Variants in ZMYM4 observed in about 807,000 individuals in gnomAD.
The protein encoded by ZMYM4 is zinc finger MYM-type protein 4.
A neutral mutation model predicts 183.2 loss-of-function variants in ZMYM4; 31 were observed. That is an observed-to-expected ratio of 0.17 (90% confidence interval 0.13 to 0.23). The LOEUF (loss-of-function observed/expected upper bound fraction) is 0.23, where lower values mean the gene tolerates loss of function less well. Ranked by LOEUF, ZMYM4 falls within the 10% of genes least tolerant of loss-of-function variation. The probability of loss-of-function intolerance (pLI) is 1.00; values close to 1 mark genes in which losing one functional copy is unlikely to be tolerated. For missense variants in ZMYM4, 1,273 were observed against 1,840.3 expected, an observed-to-expected ratio of 0.69 and a Z score of 5.64; for synonymous variants, 592 against 631.2, an observed-to-expected ratio of 0.94 and a Z score of 0.93.
intron 1 of ZMYM4, among the ~76,000 whole-genome samples, chr1:35,293,076 C>G (rs1341037072): frequency 6.7e-6 from 1 of 149,756 alleles, no homozygotes; most frequent in African/African-American, 2.5e-5. Flanking sequence ...TCATGACTTT[C>G]TACAGCCTCT....
At chr1:35,350,698 A>G in intron 2 of ZMYM4, 1 of 361,522 alleles carries the variant, frequency 2.8e-6, no homozygotes, top group Non-Finnish European at 5.3e-6. Context: ...GTCCAGCTGC[A>G]GACAAAGATC....
In ZMYM4 at chr1:35,399,366, CACAA is replaced by C. The variant is rs1019887772; in HGVS notation, c.3434-109_3434-106del. On this transcript the variant is annotated intron_variant, in intron 22 of 29. Transcript: ENST00000314607. ...TCTATAAGTGGAATCCTTATTTTATCACAAACAAACTAATGAATATAGTGATGAT... is the reference window on the plus strand; with the variant it reads ...TCTATAAGTGGAATCCTTATTTTATCACAAACTAATGAATATAGTGATGAT... The C allele has an allele frequency of 6.1e-5, 60 of 985,976 alleles. No individual in the cohort carries two copies. The East Asian group carries it at 7.4e-4, about 12-fold the overall frequency. 61.1% of individuals were successfully genotyped at this position (985,976 alleles called of 1,614,324 possible).
chr1:35,346,650 C>CAAAAAAAAAAAAAAAAAAAAAAA (rs746472685), intron 2 of ZMYM4, among the ~76,000 whole-genome samples: 7 of 54,160 alleles, frequency 1.3e-4, no homozygotes, highest in Non-Finnish European at 2.6e-4. Flanking sequence ...GACTCCATCT[C>CAAAAAAAAAAAAAAAAAAAAAAA]AAAAAAAAAA....
At chr1:35,342,293 C>G (rs572177992) in intron 2 of ZMYM4, among the ~76,000 whole-genome samples, 34 of 152,074 alleles carry the variant, frequency 2.2e-4, no homozygotes, top group Admixed American at 2.2e-3. Context: ...TAGCTGGGAC[C>G]ACAGGCATGT....
intron 1 of ZMYM4, among the ~76,000 whole-genome samples, chr1:35,309,745 C>T (rs376660178): frequency 8.0e-4 from 121 of 152,086 alleles, no homozygotes; most frequent in African/African-American, 2.4e-3. Flanking sequence ...GATCGCACCA[C>T]TGTAGTCCAG....
chr1:35,408,201 A>G (rs962574775), intron 26 of ZMYM4, 42 bp downstream of exon 26: 5 of 1,608,888 alleles, frequency 3.1e-6, no homozygotes, highest in East Asian at 2.2e-5. Flanking sequence ...TAGCAAATCC[A>G]TTGACCAGAA....
At chr1:35,372,187 A>G (rs140018547) in intron 7 of ZMYM4, among the ~76,000 whole-genome samples, 28 of 152,324 alleles carry the variant, frequency 1.8e-4, no homozygotes, top group African/African-American at 5.5e-4. Flanking sequence ...AAATTTGATT[A>G]TATAAGATTG....
intron 1 of ZMYM4, among the ~76,000 whole-genome samples, chr1:35,301,902 A>G (rs757599082): frequency 3.9e-5 from 6 of 152,170 alleles, no homozygotes; most frequent in Admixed American, 2.6e-4. Flanking sequence ...AGCTGGGGCA[A>G]TGATAGGACT....
chr1:35,397,570 GA>G, intron 20 of ZMYM4, 25 bp downstream of exon 20: 2 of 1,559,230 alleles, frequency 1.3e-6, no homozygotes, highest in Admixed American at 2.1e-5. Context: ...TAAAAGTAAA[GA>G]AAGAAAAAAC....
chr1:35,320,957 T>G (rs1464372850), intron 1 of ZMYM4, among the ~76,000 whole-genome samples: 1 of 152,172 alleles, frequency 6.6e-6, no homozygotes. Flanking sequence ...AACTAGATTG[T>G]TTTTTGTTTT....
intron 1 of ZMYM4, among the ~76,000 whole-genome samples, chr1:35,293,565 C>T (rs1399052789): frequency 2.6e-5 from 4 of 152,102 alleles, no homozygotes; most frequent in Non-Finnish European, 4.4e-5. Context: ...GATCCACCTG[C>T]CTCGGCCTCC....
rs56011152 is a variant in ZMYM4, at chr1:35,352,269, GCACACACACACACACACACACACA to G, written c.86-6639_86-6616del. ...TAAAAATTAGCGCGCACGCGCGCGC[GCACACACACACACACACACACACA>G]CACACACACACACACAGCCAAAGTC... On this transcript the variant is annotated intron_variant, in intron 2 of 29. Coordinates refer to ENST00000314607, the MANE Select transcript of ZMYM4 (RefSeq NM_005095.3). 4.8e-5 allele frequency among the ~76,000 whole-genome samples: 6 copies of G among 124,526 alleles called. 1 individual carries two copies. The highest frequency in any genetic ancestry group is 2.0e-4 in the African/African-American group (6 of 30,020). The allele number at this position is 124,526 out of a possible 152,430, so 81.7% of individuals were successfully genotyped here.
intron 1 of ZMYM4, among the ~76,000 whole-genome samples, chr1:35,302,811 G>C (rs187405723): frequency 1.1e-4 from 16 of 152,050 alleles, no homozygotes; most frequent in Non-Finnish European, 2.1e-4. Context: ...GTGAGCTACT[G>C]CACCCAGTCT....
chr1:35,275,102 A>G (rs1196239578), intron 1 of ZMYM4, among the ~76,000 whole-genome samples: 1 of 152,206 alleles, frequency 6.6e-6, no homozygotes, highest in Non-Finnish European at 1.5e-5. Flanking sequence ...TAAGAAATAC[A>G]TTTTTGTTTG....
chr1:35,378,858 A>G (rs1644390292), intron 7 of ZMYM4, among the ~76,000 whole-genome samples: 1 of 152,178 alleles, frequency 6.6e-6, no homozygotes, highest in Admixed American at 6.5e-5. Context: ...CTCCATCAGC[A>G]CTTGCTGCTT....
Position 35,359,185 on chromosome 1 carries a change from A to G in ZMYM4, c.346A>G (p.Arg116Gly), listed in dbSNP as rs1362786745. The change falls in exon 3 of 30, where the codon AGA becomes GGA. Residue 116 changes from arginine to glycine, a missense_variant. Arg to Gly is a moderately radical substitution (Grantham distance 125). Transcript: ENST00000314607. ...TGATGATAGCTTGGAAGTAGAGAGA[A>G]GAGTCACACAGCATGAATCAGACAA... is the stretch of plus-strand genomic sequence containing the variant. ...HTDDSLEVER[R>G]VTQHESDNEN... 7 of 1,613,582 alleles carry G rather than the reference A, an allele frequency of 4.3e-6. No homozygotes were observed. Among genetic ancestry groups the G allele is most frequent in the Non-Finnish European group, 5.9e-6 (7 of 1,179,644 alleles).
intron 2 of ZMYM4, among the ~76,000 whole-genome samples, chr1:35,340,396 A>G (rs1027026890): frequency 1.3e-5 from 2 of 152,138 alleles, no homozygotes; most frequent in Non-Finnish European, 2.9e-5. Flanking sequence ...ATTCAAGCAC[A>G]TTACATTTAT....
intron 1 of ZMYM4, among the ~76,000 whole-genome samples, chr1:35,308,660 A>G (rs975502639): frequency 1.3e-5 from 2 of 152,188 alleles, no homozygotes; most frequent in African/African-American, 4.8e-5. Context: ...CAGCAGTTCG[A>G]GACCATCCTG....
chr1:35,337,282 A>G (rs544212038), intron 2 of ZMYM4, among the ~76,000 whole-genome samples: 49 of 152,230 alleles, frequency 3.2e-4, no homozygotes, highest in East Asian at 3.9e-4. Context: ...GAATCGCTTG[A>G]ACCTGGGAGA....
Sources: gnomAD v4.1 joint callset for allele counts (sites outside exome capture counted in the v4.1 genomes callset) on GRCh38, gnomAD v4.1.1 for gene constraint, MANE v1.5 for transcripts, NCBI Gene and HGNC (gene_info 2026-07-23, HGNC 2026-07-21) for gene names.